BLTP3A: variants seen among roughly 807,000 people sequenced by gnomAD.
BLTP3A encodes the protein ICBP90 binding protein 1.
At chr6:34,838,964 A>G in the BLTP3A span, among the ~76,000 whole-genome samples, 43 of 152,190 alleles carry the variant, frequency 2.8e-4, no homozygotes, top group Non-Finnish European at 5.4e-4. Context: ...AAAAACTTCA[A>G]GGAAGGCCGG....
the BLTP3A span, chr6:34,821,999 AG>A: frequency 6.2e-7 from 1 of 1,613,114 alleles, no homozygotes; most frequent in African/African-American, 1.3e-5. Context: ...GGGGATGGCC[AG>A]GGTAGGCTTT....
the BLTP3A span, among the ~76,000 whole-genome samples, chr6:34,822,626 T>G: frequency 3.3e-5 from 5 of 151,922 alleles, no homozygotes; most frequent in Admixed American, 3.3e-4. Context: ...GAGGCAGAGG[T>G]GGGTAGATTA....
the BLTP3A span, chr6:34,873,296 CTT>C: frequency 6.6e-6 from 1 of 152,456 alleles, no homozygotes; most frequent in South Asian, 2.1e-4. Context: ...TCCTGCTTGT[CTT>C]TCCCAGCTGT....
At chr6:34,813,872 C>T in the BLTP3A span, among the ~76,000 whole-genome samples, 5 of 152,110 alleles carry the variant, frequency 3.3e-5, no homozygotes, top group Admixed American at 1.3e-4. Flanking sequence ...AGCTATTTTC[C>T]CTCTCCAGGT....
the BLTP3A span, among the ~76,000 whole-genome samples, chr6:34,818,138 G>A: frequency 2.6e-5 from 4 of 152,230 alleles, no homozygotes; most frequent in African/African-American, 7.2e-5. Flanking sequence ...GATTACAGGC[G>A]TGAGCCACCG....
At chr6:34,792,422 C>G in the BLTP3A span, 1 of 956,278 alleles carries the variant, frequency 1.0e-6, no homozygotes, top group Middle Eastern at 2.9e-4. Flanking sequence ...CCGTGGCAGC[C>G]CCTGCCTAAC....
chr6:34,855,505 G>T, the BLTP3A span: 21 of 1,270,036 alleles, frequency 1.7e-5, no homozygotes, highest in Admixed American at 2.0e-4. Flanking sequence ...GCTGCACCGT[G>T]TTATCAGCTG....
the BLTP3A span, among the ~76,000 whole-genome samples, chr6:34,822,734 G>T: frequency 6.6e-6 from 1 of 151,878 alleles, no homozygotes; most frequent in Non-Finnish European, 1.5e-5. Context: ...GCAGGCGCCT[G>T]TAATCCCAGC....
At chr6:34,874,897 CAAAAT>C in the BLTP3A span, 1 of 152,128 alleles carries the variant, frequency 6.6e-6, no homozygotes, top group African/African-American at 2.4e-5. Flanking sequence ...AGAGAACAGC[CAAAAT>C]TATCAGGGGA....
chr6:34,859,797 A>C, the BLTP3A span, among the ~76,000 whole-genome samples: 1 of 152,118 alleles, frequency 6.6e-6, no homozygotes, highest in African/African-American at 2.4e-5. Context: ...TCCCCTCAAG[A>C]CAGGCCTTAC....
At chr6:34,858,421 G>A in the BLTP3A span, 2 of 1,614,064 alleles carry the variant, frequency 1.2e-6, no homozygotes, top group Non-Finnish European at 1.7e-6. Flanking sequence ...GAGACCTAAG[G>A]CTTCCTGGGA....
the BLTP3A span, among the ~76,000 whole-genome samples, chr6:34,850,943 T>G: frequency 6.6e-6 from 1 of 152,128 alleles, no homozygotes; most frequent in South Asian, 2.1e-4. Flanking sequence ...CATCTCACTT[T>G]GCTTTGGGAG....
chr6:34,858,380 G>A, the BLTP3A span: 14 of 1,613,938 alleles, frequency 8.7e-6, no homozygotes, highest in Admixed American at 3.3e-5. Flanking sequence ...ATGGATTCCT[G>A]CCTGCCTCAG....
the BLTP3A span, chr6:34,858,878 T>C: frequency 6.2e-7 from 1 of 1,614,174 alleles, no homozygotes; most frequent in Admixed American, 1.7e-5. Flanking sequence ...CTGCTTCGCC[T>C]GAAGGAGGTG....
At chr6:34,837,240 T>C in the BLTP3A span, among the ~76,000 whole-genome samples, 10 of 152,318 alleles carry the variant, frequency 6.6e-5, no homozygotes, top group Admixed American at 5.9e-4. Flanking sequence ...GTTTACCTTA[T>C]AATAAGATCT....
chr6:34,836,977 G>C, the BLTP3A span, among the ~76,000 whole-genome samples: 9 of 152,158 alleles, frequency 5.9e-5, no homozygotes, highest in South Asian at 4.1e-4. Flanking sequence ...TTCCACATTC[G>C]TGAAATTGAG....
chr6:34,805,096 C>A, the BLTP3A span, among the ~76,000 whole-genome samples: 1 of 151,870 alleles, frequency 6.6e-6, no homozygotes, highest in African/African-American at 2.4e-5. Flanking sequence ...AAGTTCCAGA[C>A]CAGCCTGGGT....
At chr6:34,799,211 G>A in the BLTP3A span, among the ~76,000 whole-genome samples, 1 of 152,146 alleles carries the variant, frequency 6.6e-6, no homozygotes, top group Non-Finnish European at 1.5e-5. Flanking sequence ...CAAAGTGCTG[G>A]AATTACAGGC....
the BLTP3A span, among the ~76,000 whole-genome samples, chr6:34,794,117 G>A: frequency 1.3e-5 from 2 of 150,854 alleles, no homozygotes; most frequent in Non-Finnish European, 2.9e-5. Flanking sequence ...CCAAGATTTC[G>A]CCACAGCACT....
Sources: allele counts gnomAD v4.1 joint callset (sites outside exome capture counted in the v4.1 genomes callset), GRCh38; gene constraint gnomAD v4.1.1; transcripts MANE v1.5; gene names NCBI Gene and HGNC (gene_info 2026-07-23, HGNC 2026-07-21).